Variants in KIF27 observed in about 807,000 individuals in gnomAD.
KIF27 encodes the protein kinesin-like protein KIF27.
KIF27 carries 84 observed loss-of-function variants against 141.8 expected under a neutral mutation model. The observed-to-expected ratio is 0.59, with a 90% CI of 0.50 to 0.71. The LOEUF (loss-of-function observed/expected upper bound fraction) is 0.71. Ranked by LOEUF, KIF27 falls within the 30% of genes least tolerant of loss-of-function variation. KIF27 has a pLI of 0.00. For synonymous variants in KIF27, 471 were observed against 569.5 expected (o/e 0.83, Z 2.46); for missense variants, 1,306 against 1,628.4 (o/e 0.80, Z 3.41).
At position 83,908,529 on chromosome 9, in the gene KIF27, T is replaced by C. The variant is rs1359442310; in HGVS notation, c.422A>G (p.Glu141Gly). 6.2e-7 allele frequency: 1 copy of C among 1,611,706 alleles called. No homozygotes were observed. Among genetic ancestry groups the C allele is most frequent in the Admixed American group, 1.7e-5 (1 of 59,988 alleles). ...VKVSYIEVYKEDLRDLLELET... is the reference protein window; with the variant it reads ...VKVSYIEVYKGDLRDLLELET... ...CAATTCTAGAAGATCTCTTAGGTCT[T>C]CCTTGTACACTTCTATATAAGATAC... The change falls in exon 3 of 18, where the codon GAA becomes GGA. Residue 141 changes from glutamate to glycine, a missense_variant. This residue lies in a region of KIF27 where 533 missense variants were observed against 565.6 expected (regional missense o/e 0.94). Transcript: ENST00000297814.
At chr9:83,896,955 A>T (rs1953322551) in intron 5 of KIF27, among the ~76,000 whole-genome samples, 1 of 152,086 alleles carries the variant, frequency 6.6e-6, no homozygotes, top group South Asian at 2.1e-4. Flanking sequence ...TGGATACAAT[A>T]TTTTCATTTT....
Position 83,891,294 on chromosome 9 carries a change from C to A in KIF27, c.1809+1G>T. On this transcript the variant is annotated splice_donor_variant, in intron 6 of 17. Transcript: ENST00000297814. LOFTEE classifies it high-confidence loss of function. ...TAAGGAAAAGATTGTTTGGACTTTA[C>A]CTTCCTGGAATCTTGTCTTGATGGG... 6.2e-7 allele frequency: 1 copy of A among 1,609,562 alleles called. No homozygotes were observed. The highest frequency in any genetic ancestry group is 8.5e-7 in the Non-Finnish European group (1 of 1,177,804).
chr9:83,877,024 C>T (rs1951255145), intron 11 of KIF27, among the ~76,000 whole-genome samples: 1 of 152,098 alleles, frequency 6.6e-6, no homozygotes, highest in African/African-American at 2.4e-5. Context: ...CTGCAGTGGG[C>T]TATGATCATG....
chr9:83,838,472 T>A (rs897100261), intron 17 of KIF27, among the ~76,000 whole-genome samples: 1 of 152,148 alleles, frequency 6.6e-6, no homozygotes, highest in African/African-American at 2.4e-5. Context: ...TGACCTCAGG[T>A]GATCCGCCTG....
At chr9:83,860,474 T>A (rs1158437781) in intron 13 of KIF27, among the ~76,000 whole-genome samples, 3 of 152,194 alleles carry the variant, frequency 2.0e-5, no homozygotes, top group African/African-American at 7.2e-5. Context: ...ATAAGTTACA[T>A]TACAGTTTTT....
intron 11 of KIF27, among the ~76,000 whole-genome samples, chr9:83,877,541 G>C (rs1340763450): frequency 6.6e-6 from 1 of 151,976 alleles, no homozygotes; most frequent in Non-Finnish European, 1.5e-5. Flanking sequence ...AAATATAAAA[G>C]CAAAAACCAT....
At chr9:83,893,803 C>T (rs530880370) in intron 5 of KIF27, among the ~76,000 whole-genome samples, 3 of 151,868 alleles carry the variant, frequency 2.0e-5, no homozygotes, top group Admixed American at 6.6e-5. Flanking sequence ...AACAAACATA[C>T]ACTAGTGAGG....
intron 12 of KIF27, chr9:83,868,481 A>G (rs559770650): frequency 2.6e-5 from 4 of 152,206 alleles, no homozygotes; most frequent in Admixed American, 1.3e-4. Context: ...AATTATTTTT[A>G]AAAAAGAAAA....
At position 83,920,440 on chromosome 9, in the gene KIF27, T is replaced by A. The variant is rs547353444; in HGVS notation, c.-88+931A>T. ...AAGTATACTCAACGGGTTTTTGAAA[T>A]CTGAGCAAAGGCAAGAGAAATATTG... On this transcript the variant is annotated intron_variant, in intron 1 of 17. Coordinates refer to ENST00000297814, the MANE Select transcript of KIF27 (RefSeq NM_017576.4). 2.0e-5 allele frequency among the ~76,000 whole-genome samples: 3 copies of A among 152,314 alleles called. No individual in the cohort carries two copies. In the East Asian group the frequency reaches 5.8e-4, roughly 29 times the overall value.
chr9:83,849,001 A>ATT (rs993708437), intron 16 of KIF27: 2 of 151,718 alleles, frequency 1.3e-5, no homozygotes, highest in Non-Finnish European at 2.9e-5. Flanking sequence ...TTTTGTAGAG[A>ATT]TGGGGTTTCG....
At position 83,903,527 on chromosome 9, in the gene KIF27, A is replaced by T; in HGVS notation, c.991T>A (p.Ser331Thr). Residue 331 changes from serine to threonine, a missense_variant, in exon 4 of 18, where the codon TCT becomes ACT. Coordinates refer to ENST00000297814, the MANE Select transcript of KIF27 (RefSeq NM_017576.4). Reference protein sequence around the residue: ...SSSNFDESLNSLKYANRARNI... With the variant: ...SSSNFDESLNTLKYANRARNI... Reference sequence around the variant, plus strand: ...CGTGCTCTGTTGGCATATTTGAGAGAATTTAAGGACTCATCAAAATTCGAG... The same window carrying T: ...CGTGCTCTGTTGGCATATTTGAGAGTATTTAAGGACTCATCAAAATTCGAG... 8 of 1,614,098 alleles carry T rather than the reference A, an allele frequency of 5.0e-6. No homozygotes were observed. The highest frequency in any genetic ancestry group is 6.8e-6 in the Non-Finnish European group (8 of 1,179,984).
intron 14 of KIF27, among the ~76,000 whole-genome samples, chr9:83,854,551 A>C (rs1433546560): frequency 2.0e-5 from 3 of 152,202 alleles, no homozygotes; most frequent in Admixed American, 2.0e-4. Flanking sequence ...GAAAACCTAC[A>C]AGTTCTCTTT....
chr9:83,884,159 A>G, intron 9 of KIF27, 141 bp from the exon 10 acceptor site: 2 of 549,110 alleles, frequency 3.6e-6, no homozygotes, highest in Non-Finnish European at 6.2e-6. Flanking sequence ...AGTTGTCCCC[A>G]CCCACCCCCA....
At chr9:83,844,348 A>C (rs556261927) in intron 16 of KIF27, among the ~76,000 whole-genome samples, 27 of 106,640 alleles carry the variant, frequency 2.5e-4, no homozygotes, top group South Asian at 7.7e-4. Context: ...ATTTATATAG[A>C]TATCTATATC....
In KIF27 at chr9:83,889,068, T is replaced by G; in HGVS notation, c.1979+16A>C. 1 of 1,598,790 alleles carries G rather than the reference T, an allele frequency of 6.3e-7. No individual in the cohort carries two copies. The highest frequency in any genetic ancestry group is 8.5e-7 in the Non-Finnish European group (1 of 1,171,010). Reference sequence around the variant, plus strand: ...TAATTCTAAATATTTATTAAATCAGTGTATATTTAACATACCTAGTTCCAG... The same window carrying G: ...TAATTCTAAATATTTATTAAATCAGGGTATATTTAACATACCTAGTTCCAG... On this transcript the variant is annotated intron_variant, in intron 7 of 17. Coordinates refer to ENST00000297814, the MANE Select transcript of KIF27 (RefSeq NM_017576.4).
chr9:83,894,409 A>G (rs1388029595), intron 5 of KIF27, among the ~76,000 whole-genome samples: 46 of 152,342 alleles, frequency 3.0e-4, no homozygotes, highest in Non-Finnish European at 1.5e-5. Context: ...AAGACCTGCT[A>G]TGAGGTTGTC....
At chr9:83,840,555 A>T (rs548975600) in intron 17 of KIF27, among the ~76,000 whole-genome samples, 2 of 152,210 alleles carry the variant, frequency 1.3e-5, no homozygotes, top group East Asian at 3.9e-4. Context: ...TCGGTGGCAT[A>T]AACATGGGCC....
chr9:83,870,548 C>T lies in KIF27; in HGVS notation c.2728G>A (p.Gly910Ser). 2 of 1,613,804 alleles carry T rather than the reference C, an allele frequency of 1.2e-6. No homozygotes were observed. Among genetic ancestry groups the T allele is most frequent in the Non-Finnish European group, 1.7e-6 (2 of 1,179,818 alleles). ...AGATGGTCTATACTTCCAAACGAAC[C>T]TTTTCTCCTTTTCAAGTTACATGCA... ...LDACNLKRRK[G>S]SFGSIDHLQK... The change falls in exon 12 of 18, where the codon GGT becomes AGT. Residue 910 changes from glycine to serine, a missense_variant. Coordinates refer to ENST00000297814, the MANE Select transcript of KIF27 (RefSeq NM_017576.4).
chr9:83,870,699 A>ATT, intron 11 of KIF27, 67 bp from the exon 12 acceptor site: 1 of 1,445,338 alleles, frequency 6.9e-7, no homozygotes, highest in Non-Finnish European at 9.1e-7. Flanking sequence ...GCTGATGACA[A>ATT]TTATTTTCTT....
Sources: gnomAD v4.1 joint callset for allele counts (sites outside exome capture counted in the v4.1 genomes callset) on GRCh38, gnomAD v4.1.1 for gene constraint, gnomAD v4.1.1 regional missense constraint, MANE v1.5 for transcripts, NCBI Gene and HGNC (gene_info 2026-07-23, HGNC 2026-07-21) for gene names.